Variants in LTBP1 observed in about 807,000 individuals in gnomAD.
The protein encoded by LTBP1 is latent transforming growth factor beta binding protein 1, also known as latent-transforming growth factor beta-binding protein 1.
A neutral mutation model predicts 207.6 loss-of-function variants in LTBP1; 129 were observed. The observed-to-expected ratio is 0.62, with a 90% CI of 0.54 to 0.72. The LOEUF is 0.72. Among genes scored for constraint, LTBP1 ranks in the 30% least tolerant of loss-of-function variants. LTBP1 has a pLI of 0.00. For synonymous variants in LTBP1, 963 were observed against 833.7 expected (o/e 1.16, Z -2.67); for missense variants, 2,281 against 2,217.2 (o/e 1.03, Z -0.58).
chr2:33,293,221 C>T lies in LTBP1; in HGVS notation c.3174C>T (p.Gly1058=), dbSNP rs1558960202. ...CANGDCSNLE[G]SYMCSCHKGY... is the part of the protein sequence containing the mutation. ...ATGGTGATTGTTCCAACCTTGAAGG[C>T]TCCTACATGTGTTCATGCCACAAAG... The change falls in exon 20 of 34, where the codon GGC becomes GGT. Residue 1058 remains glycine, a synonymous_variant. Coordinates refer to ENST00000404816, the MANE Select transcript of LTBP1 (RefSeq NM_206943.4). 6.2e-7 allele frequency: 1 copy of T among 1,613,946 alleles called. No individual in the cohort carries two copies. Among genetic ancestry groups the T allele is most frequent in the Non-Finnish European group, 8.5e-7 (1 of 1,179,944 alleles).
In LTBP1 at chr2:33,221,857, T is replaced by C. The variant is rs2091130029; in HGVS notation, c.1805-223T>C. Among the ~76,000 whole-genome samples the C allele has an allele frequency of 2.0e-5, 3 of 152,284 alleles. No homozygotes were observed. In the South Asian group the frequency reaches 6.2e-4, roughly 32 times the overall value. On this transcript the variant is annotated intron_variant, in intron 8 of 33. Coordinates refer to ENST00000404816, the MANE Select transcript of LTBP1 (RefSeq NM_206943.4). ...CTTAGGATTGTTTCAGTTAACGTAA[T>C]AAAGATTTACTGATAATTTCTTGGG...
chr2:33,062,901 A>G (rs750751774), intron 3 of LTBP1: 7 of 152,262 alleles, frequency 4.6e-5, no homozygotes, highest in Non-Finnish European at 1.0e-4. Context: ...CACACTACTC[A>G]GAATTTAAAT....
intron 24 of LTBP1, among the ~76,000 whole-genome samples, chr2:33,327,554 G>C (rs188849619): frequency 1.9e-4 from 29 of 152,086 alleles, no homozygotes; most frequent in Admixed American, 1.4e-3. Flanking sequence ...TCTTATTTTT[G>C]CTTATATTCC....
chr2:33,207,598 A>G (rs1013049900), intron 7 of LTBP1, among the ~76,000 whole-genome samples: 1 of 152,210 alleles, frequency 6.6e-6, no homozygotes, highest in Non-Finnish European at 1.5e-5. Flanking sequence ...ATCTGGAAGT[A>G]TTTATGCATT....
chr2:33,172,266 G>T (rs372654082), intron 5 of LTBP1, among the ~76,000 whole-genome samples: 3 of 152,074 alleles, frequency 2.0e-5, no homozygotes, highest in Non-Finnish European at 4.4e-5. Flanking sequence ...CCCATCTCAC[G>T]TGCAGAGACA....
intron 3 of LTBP1, among the ~76,000 whole-genome samples, chr2:33,075,967 TAGACACCAAAAGTTTCTGATTTCTTAG>T (rs2078060806): frequency 6.6e-6 from 1 of 152,204 alleles, no homozygotes; most frequent in African/African-American, 2.4e-5. Flanking sequence ...CATGCAAGAG[TAGACACCAAAAGTTTCTGATTTCTTAG>T]TAATAAATTA....
chr2:33,063,090 AG>A (rs1415649471), intron 3 of LTBP1: 1 of 152,256 alleles, frequency 6.6e-6, no homozygotes, highest in Non-Finnish European at 1.5e-5. Context: ...TGAGTACTGT[AG>A]CTTCAAAAGT....
At chr2:33,189,904 G>A (rs557693159) in intron 7 of LTBP1, among the ~76,000 whole-genome samples, 22 of 152,198 alleles carry the variant, frequency 1.4e-4, no homozygotes, top group Admixed American at 6.5e-4. Flanking sequence ...GCAGGCGCCT[G>A]TAATCCCAGC....
At chr2:33,099,092 GA>G (rs1415133504) in intron 3 of LTBP1, among the ~76,000 whole-genome samples, 2 of 152,042 alleles carry the variant, frequency 1.3e-5, no homozygotes, top group African/African-American at 4.8e-5. Context: ...GGCTTTAGGG[GA>G]AAAAAACCCT....
chr2:33,059,221 T>C lies in LTBP1; in HGVS notation c.863+38015T>C, dbSNP rs752662872. ...CTATTAAGTATAAAATGTGACCATATATTTTGGATTCCAAGGTCTTTTCTG... is the reference window on the plus strand; with the variant it reads ...CTATTAAGTATAAAATGTGACCATACATTTTGGATTCCAAGGTCTTTTCTG... On this transcript the variant is annotated intron_variant, in intron 3 of 33. Coordinates refer to ENST00000404816, the MANE Select transcript of LTBP1 (RefSeq NM_206943.4). Among the ~76,000 whole-genome samples the C allele has an allele frequency of 4.0e-4, 61 of 152,344 alleles. No individual in the cohort carries two copies. The Middle Eastern group carries it at 0.014, about 34-fold the overall frequency.
At chr2:32,963,751 A>G (rs1457161779) in intron 2 of LTBP1, among the ~76,000 whole-genome samples, 2 of 152,144 alleles carry the variant, frequency 1.3e-5, no homozygotes, top group Non-Finnish European at 2.9e-5. Flanking sequence ...TGCGTAACAA[A>G]TGCAGGTTGT....
At chr2:33,009,362 G>A (rs530824722) in intron 2 of LTBP1, among the ~76,000 whole-genome samples, 2 of 152,268 alleles carry the variant, frequency 1.3e-5, no homozygotes, top group African/African-American at 2.4e-5. Flanking sequence ...CTAACCCCCA[G>A]TACCTCAGAA....
chr2:33,359,411 A>G (rs568080154), intron 26 of LTBP1, among the ~76,000 whole-genome samples: 2 of 152,344 alleles, frequency 1.3e-5, no homozygotes, highest in South Asian at 2.1e-4. Flanking sequence ...AAAAATAAAC[A>G]TATAGGAAGC....
intron 3 of LTBP1, among the ~76,000 whole-genome samples, chr2:33,094,840 C>G (rs919238477): frequency 6.6e-6 from 1 of 152,010 alleles, no homozygotes; most frequent in Non-Finnish European, 1.5e-5. Flanking sequence ...ATGCCATCTT[C>G]CAAATGAAAA....
At chr2:33,360,196 T>G (rs1333568453) in intron 26 of LTBP1, among the ~76,000 whole-genome samples, 1 of 152,190 alleles carries the variant, frequency 6.6e-6, no homozygotes, top group Admixed American at 6.5e-5. Flanking sequence ...GGTTAAATAT[T>G]ATGTGTGGGC....
chr2:32,950,690 T>C (rs1321617714), intron 2 of LTBP1, among the ~76,000 whole-genome samples: 1 of 152,132 alleles, frequency 6.6e-6, no homozygotes, highest in Middle Eastern at 3.2e-3. Context: ...GAGATTGTGC[T>C]GGGCGATGCA....
intron 2 of LTBP1, among the ~76,000 whole-genome samples, chr2:33,000,895 A>G (rs542665963): frequency 7.4e-6 from 1 of 134,654 alleles, no homozygotes; most frequent in African/African-American, 2.6e-5. Flanking sequence ...CATCTGCTTC[A>G]TGTATTAAGC....
chr2:33,172,997 T>G (rs1282632813), intron 5 of LTBP1, among the ~76,000 whole-genome samples: 3 of 151,886 alleles, frequency 2.0e-5, no homozygotes, highest in African/African-American at 4.8e-5. Context: ...TGGGACACAT[T>G]CAAAGCAGTG....
chr2:33,084,859 G>T (rs1328798580), intron 3 of LTBP1, among the ~76,000 whole-genome samples: 1 of 152,176 alleles, frequency 6.6e-6, no homozygotes, highest in Non-Finnish European at 1.5e-5. Flanking sequence ...CCAGGTTTCT[G>T]TGAGAAACAG....
Sources: gnomAD v4.1 joint callset for allele counts (sites outside exome capture counted in the v4.1 genomes callset) on GRCh38, gnomAD v4.1.1 for gene constraint, MANE v1.5 for transcripts, NCBI Gene and HGNC (gene_info 2026-07-23, HGNC 2026-07-21) for gene names.